ROBO1: variants seen among roughly 807,000 people sequenced by gnomAD.
ROBO1 encodes the protein roundabout guidance receptor 1.
A neutral mutation model predicts 195.9 loss-of-function variants in ROBO1; 149 were observed. The ratio of observed to expected loss-of-function variants is 0.76; its 90% CI spans 0.67 to 0.87. The LOEUF (loss-of-function observed/expected upper bound fraction) is 0.87. Among genes scored for constraint, ROBO1 ranks in the 40% least tolerant of loss-of-function variants. The pLI is 0.00. For synonymous variants in ROBO1, 816 were observed against 733.2 expected (o/e 1.11, Z -1.82); for missense variants, 1,933 against 2,068.3 (o/e 0.93, Z 1.27).
intron 4 of ROBO1, among the ~76,000 whole-genome samples, chr3:78,906,358 A>G (rs1408158119): frequency 2.0e-5 from 3 of 152,278 alleles, no homozygotes; most frequent in Non-Finnish European, 2.9e-5. Context: ...AAATGGGACC[A>G]ATGGTGCCTT....
At chr3:79,428,607 G>A (rs1369123659) in intron 2 of ROBO1, among the ~76,000 whole-genome samples, 1 of 152,054 alleles carries the variant, frequency 6.6e-6, no homozygotes, top group African/African-American at 2.4e-5. Context: ...TGTTATCATA[G>A]ACTCAGCAAT....
chr3:79,724,819 T>C (rs1470169573), intron 1 of ROBO1, among the ~76,000 whole-genome samples: 1 of 152,212 alleles, frequency 6.6e-6, no homozygotes, highest in Non-Finnish European at 1.5e-5. Context: ...GGGTAATTTG[T>C]TACCTATCAA....
At chr3:78,670,768 A>C (rs1316263046) in intron 10 of ROBO1, among the ~76,000 whole-genome samples, 1 of 152,234 alleles carries the variant, frequency 6.6e-6, no homozygotes, top group Non-Finnish European at 1.5e-5. Context: ...ACAAGGTACC[A>C]TACCAGCATG....
chr3:79,109,332 G>T (rs1383384916), intron 3 of ROBO1, among the ~76,000 whole-genome samples: 1 of 151,834 alleles, frequency 6.6e-6, no homozygotes, highest in Admixed American at 6.6e-5. Context: ...AAGAATTAAT[G>T]TTAATGTCTC....
At chr3:79,210,642 T>C (rs2081952046) in intron 2 of ROBO1, among the ~76,000 whole-genome samples, 1 of 151,912 alleles carries the variant, frequency 6.6e-6, no homozygotes, top group African/African-American at 2.4e-5. Context: ...CAAGTTAGCA[T>C]GAAGGATAGG....
chr3:78,599,228 C>CA (rs1258896481), intron 30 of ROBO1, among the ~76,000 whole-genome samples: 1 of 151,574 alleles, frequency 6.6e-6, no homozygotes, highest in African/African-American at 2.4e-5. Context: ...CCCAAGTCAA[C>CA]ATTACAACTC....
intron 2 of ROBO1, among the ~76,000 whole-genome samples, chr3:79,162,638 A>G (rs2080990085): frequency 6.6e-6 from 1 of 152,180 alleles, no homozygotes. Flanking sequence ...TTCAGTGGGA[A>G]AAAGTGAAAA....
At chr3:79,514,129 G>A (rs956459642) in intron 2 of ROBO1, among the ~76,000 whole-genome samples, 4 of 152,202 alleles carry the variant, frequency 2.6e-5, no homozygotes, top group Admixed American at 6.5e-5. Flanking sequence ...GGAACACAGA[G>A]AAAGAATAGC....
intron 5 of ROBO1, among the ~76,000 whole-genome samples, chr3:78,726,634 C>G (rs1467773479): frequency 6.6e-6 from 1 of 152,174 alleles, no homozygotes; most frequent in African/African-American, 2.4e-5. Context: ...GAAATGCTGT[C>G]AATTCTGCCT....
intron 4 of ROBO1, among the ~76,000 whole-genome samples, chr3:78,836,006 T>C (rs2032677422): frequency 1.3e-5 from 2 of 152,218 alleles, no homozygotes; most frequent in Non-Finnish European, 2.9e-5. Context: ...TGTGGGATTT[T>C]AGTAAAATCA....
chr3:79,612,504 C>T (rs1478780566), intron 1 of ROBO1, among the ~76,000 whole-genome samples: 1 of 151,876 alleles, frequency 6.6e-6, no homozygotes, highest in African/African-American at 2.4e-5. Flanking sequence ...GTGCATGTGT[C>T]TTTATAGCAG....
intron 28 of ROBO1, among the ~76,000 whole-genome samples, chr3:78,614,214 CACT>C (rs1703975772): frequency 6.6e-6 from 1 of 152,070 alleles, no homozygotes; most frequent in East Asian, 1.9e-4. Context: ...TTCGTAACAC[CACT>C]GTTGTTAGAA....
intron 3 of ROBO1, among the ~76,000 whole-genome samples, chr3:79,020,657 G>A (rs1371617216): frequency 6.6e-6 from 1 of 152,170 alleles, no homozygotes; most frequent in Non-Finnish European, 1.5e-5. Context: ...ACTTGCCACT[G>A]CACTCCAGCC....
chr3:78,637,637 G>A (rs1376594778), intron 22 of ROBO1, among the ~76,000 whole-genome samples: 2 of 152,084 alleles, frequency 1.3e-5, no homozygotes, highest in Non-Finnish European at 2.9e-5. Context: ...CCTATTAAAT[G>A]GGTATCGCCA....
chr3:78,637,350 A>G (rs1705586439), intron 22 of ROBO1, among the ~76,000 whole-genome samples: 1 of 152,148 alleles, frequency 6.6e-6, no homozygotes, highest in African/African-American at 2.4e-5. Flanking sequence ...TTTGTTTAAC[A>G]GTGGTTAAGA....
At chr3:79,612,491 C>T (rs1040827575) in intron 1 of ROBO1, among the ~76,000 whole-genome samples, 14 of 151,922 alleles carry the variant, frequency 9.2e-5, no homozygotes, top group Admixed American at 3.3e-4. Flanking sequence ...AATAAACATA[C>T]GGGTGCATGT....
At chr3:79,748,958 C>T (rs1296174347) in intron 1 of ROBO1, among the ~76,000 whole-genome samples, 1 of 151,990 alleles carries the variant, frequency 6.6e-6, no homozygotes, top group Non-Finnish European at 1.5e-5. Flanking sequence ...AAAAGATACA[C>T]AAAAAAAGTG....
chr3:79,704,614 T>A (rs1947713526), intron 1 of ROBO1, among the ~76,000 whole-genome samples: 1 of 152,070 alleles, frequency 6.6e-6, no homozygotes, highest in Non-Finnish European at 1.5e-5. Context: ...GCTTCCAAGA[T>A]TTTGCAATTA....
chr3:78,945,917 C>T (rs1239337243), intron 3 of ROBO1, among the ~76,000 whole-genome samples: 3 of 150,514 alleles, frequency 2.0e-5, no homozygotes, highest in African/African-American at 4.9e-5. Context: ...GAAAGGGTAT[C>T]AGTGATGGAA....
Sources: allele counts gnomAD v4.1 joint callset (sites outside exome capture counted in the v4.1 genomes callset), GRCh38; gene constraint gnomAD v4.1.1; transcripts MANE v1.5; gene names NCBI Gene and HGNC (gene_info 2026-07-23, HGNC 2026-07-21).